The following SLC16A6 variants were observed in gnomAD, a reference collection of about 807,000 sequenced individuals.
The protein encoded by SLC16A6 is monocarboxylate transporter 7.
A neutral mutation model predicts 33.8 loss-of-function variants in SLC16A6; 15 were observed. The observed-to-expected ratio is 0.44, with a 90% CI of 0.30 to 0.68. The LOEUF (loss-of-function observed/expected upper bound fraction) is 0.68, where lower values mean the gene tolerates loss of function less well. Among genes scored for constraint, SLC16A6 ranks in the 30% least tolerant of loss-of-function variants. The probability of loss-of-function intolerance (pLI) is 0.10; values close to 1 mark genes in which losing one functional copy is unlikely to be tolerated. For missense variants in SLC16A6, 451 were observed against 661.5 expected (o/e 0.68, Z 3.49); for synonymous variants, 219 against 248.4 (o/e 0.88, Z 1.11).
In SLC16A6 at chr17:68,271,020, A is replaced by T; in HGVS notation, c.1140T>A (p.Thr380=). The T allele has an allele frequency of 6.2e-7, 1 of 1,614,218 alleles. No homozygotes were observed. The highest frequency in any genetic ancestry group is 1.1e-5 in the South Asian group (1 of 91,090). ...TVSLFAFTFA[T]EFWGLMSCSI... ...TGCATGACATTAGACCCCAGAATTC[A>T]GTAGCAAAAGTAAAGGCAAACAGAG... The change falls in exon 5 of 6, where the codon ACT becomes ACA. Residue 380 remains threonine, a synonymous_variant. Transcript: ENST00000580666. The surrounding 1 kb of genome is among the most constrained non-coding windows in gnomAD (Gnocchi z 5.3).
rs1555750023 is a variant in SLC16A6 at position 68,273,977 on chromosome 17, G to C, written c.326C>G (p.Ser109Cys). 1 of 1,614,164 alleles carries C rather than the reference G, an allele frequency of 6.2e-7. No individual in the cohort carries two copies. Among genetic ancestry groups the C allele is most frequent in the South Asian group, 1.1e-5 (1 of 91,086 alleles). The change falls in exon 3 of 6, where the codon TCC becomes TGC. Residue 109 changes from serine (S) to cysteine (C), a missense_variant. Physicochemically the swap from Ser to Cys is moderately radical, Grantham distance 112 (BLOSUM62 -1). Transcript: ENST00000580666. The stretch of plus-strand genomic sequence containing the variant: ...CATATGAGAAACCTCTTGTGAGAAG[G>C]AGGCGGCCACCATCCCGGTGCTGAC... ...LLVSTGMVAA[S>C]FSQEVSHMYV...
At position 68,269,673 on chromosome 17, in the gene SLC16A6, G is replaced by GTTTTTTT. The variant is rs782421181; in HGVS notation, c.1322-334_1322-328dup. On this transcript the variant is annotated intron_variant, in intron 5 of 5. Coordinates refer to ENST00000580666, the MANE Select transcript of SLC16A6 (RefSeq NM_004694.5). ...TTATTTTCACTTGAGTTCACTTTAG[G>GTTTTTTT]TTTTTTTTTTTTTTTTTTAGACAGA... is the stretch of plus-strand genomic sequence containing the variant. Among the ~76,000 whole-genome samples the GTTTTTTT allele has an allele frequency of 2.8e-4, 22 of 77,898 alleles. 3 individuals carry two copies. Among genetic ancestry groups the GTTTTTTT allele is most frequent in the South Asian group, 4.9e-4 (1 of 2,042 alleles). The allele number at this position is 77,898 out of a possible 152,430, so 51.1% of individuals were successfully genotyped here.
intron 1 of SLC16A6, among the ~76,000 whole-genome samples, chr17:68,283,389 C>A (rs1470022079): frequency 1.3e-5 from 2 of 152,010 alleles, no homozygotes; most frequent in African/African-American, 4.8e-5. Context: ...GGCGTGGTGG[C>A]GGGCGCCTGT....
Position 68,272,636 on chromosome 17 carries a change from T to G in SLC16A6, c.505+3A>C, listed in dbSNP as rs1555749342. On this transcript the variant is annotated splice_donor_region_variant and intron_variant, in intron 4 of 5. Transcript: ENST00000580666. The stretch of plus-strand genomic sequence containing the variant: ...CATACTTAGGCTGTTGTAGTCCACC[T>G]ACCTGGTGCGAAAGCAAACACAGCG... 1.2e-6 allele frequency: 2 copies of G among 1,613,780 alleles called. No individual in the cohort carries two copies. Among genetic ancestry groups the G allele is most frequent in the African/African-American group, 2.7e-5 (2 of 74,934 alleles).
At position 68,271,661 on chromosome 17, in the gene SLC16A6, T is replaced by C. The variant is rs782478993; in HGVS notation, c.506-7A>G. On this transcript the variant is annotated splice_region_variant and splice_polypyrimidine_tract_variant and intron_variant, in intron 4 of 5. Coordinates refer to ENST00000580666, the MANE Select transcript of SLC16A6 (RefSeq NM_004694.5). This position sits in a 1 kb window ranked among gnomAD's most constrained non-coding sequence, Gnocchi z 5.3. ...TCCTTCAGAGCCATGATTGCTTGAA[T>C]AGGCAGGAGTGAAGAAGAAATAATA... 3 of 1,606,150 alleles carry C rather than the reference T, an allele frequency of 1.9e-6. No homozygotes were observed. Among genetic ancestry groups the C allele is most frequent in the South Asian group, 2.2e-5 (2 of 90,852 alleles).
intron 1 of SLC16A6, among the ~76,000 whole-genome samples, chr17:68,280,846 C>T (rs2075671547): frequency 6.6e-6 from 1 of 152,078 alleles, no homozygotes; most frequent in African/African-American, 2.4e-5. Context: ...CAGAGTGAGG[C>T]CAGATGTAGT....
At chr17:68,270,344 A>G (rs1427760410) in intron 5 of SLC16A6, among the ~76,000 whole-genome samples, 1 of 152,130 alleles carries the variant, frequency 6.6e-6, no homozygotes, top group Non-Finnish European at 1.5e-5. Flanking sequence ...TCACGAGGTC[A>G]AGAGATTGAG....
At position 68,271,644 on chromosome 17, in the gene SLC16A6, A is replaced by G. The variant is rs1307056501; in HGVS notation, c.516T>C (p.Ala172=). Reference sequence around the variant, plus strand: ...ATCTCCAGCCAATGCGCTCCTTCAGAGCCATGATTGCTTGAATAGGCAGGA... The same window carrying G: ...ATCTCCAGCCAATGCGCTCCTTCAGGGCCATGATTGCTTGAATAGGCAGGA... ...AVFAFAPAIM[A]LKERIGWRYS... The change falls in exon 5 of 6, where the codon GCT becomes GCC. Residue 172 remains alanine (A), a synonymous_variant. Coordinates refer to ENST00000580666, the MANE Select transcript of SLC16A6 (RefSeq NM_004694.5). This position sits in a 1 kb window ranked among gnomAD's most constrained non-coding sequence, Gnocchi z 5.3. 6.2e-7 allele frequency: 1 copy of G among 1,611,274 alleles called. No homozygotes were observed. The highest frequency in any genetic ancestry group is 2.2e-5 in the East Asian group (1 of 44,794).
intron 1 of SLC16A6, chr17:68,285,599 G>A (rs551130268): frequency 6.6e-6 from 1 of 152,270 alleles, no homozygotes; most frequent in Non-Finnish European, 1.5e-5. Flanking sequence ...GAACCCAGGA[G>A]GCAGAGGTTG....
At chr17:68,285,704 G>A (rs2075825465) in intron 1 of SLC16A6, 1 of 152,106 alleles carries the variant, frequency 6.6e-6, no homozygotes, top group Non-Finnish European at 1.5e-5. Flanking sequence ...CTGGGCTCAA[G>A]TGACCCTACT....
At chr17:68,290,550 G>T (rs2075950635) in intron 1 of SLC16A6, among the ~76,000 whole-genome samples, 1 of 152,238 alleles carries the variant, frequency 6.6e-6, no homozygotes, top group South Asian at 2.1e-4. Context: ...TCCCGCTGGG[G>T]ACAAACGGTG....
chr17:68,290,647 G>A (rs1555755466), intron 1 of SLC16A6, among the ~76,000 whole-genome samples: 1 of 152,248 alleles, frequency 6.6e-6, no homozygotes. Flanking sequence ...CGGCCTGCGT[G>A]CGCGCGCCAG....
chr17:68,291,159 A>T (rs1487289236), upstream of SLC16A6: 1 of 152,094 alleles, frequency 6.6e-6, no homozygotes, highest in African/African-American at 2.4e-5. Flanking sequence ...CCTCCTTATA[A>T]GCCGCTCGGT....
At chr17:68,270,747 G>T in intron 5 of SLC16A6, 92 bp downstream of exon 5, 1 of 1,082,022 alleles carries the variant, frequency 9.2e-7, no homozygotes, top group Non-Finnish European at 1.3e-6. Context: ...AATATAAAAC[G>T]GCAGTAAGTT....
Position 68,271,153 on chromosome 17 carries a change from A to G in SLC16A6, c.1007T>C (p.Met336Thr), listed in dbSNP as rs1455496159. The change falls in exon 5 of 6, where the codon ATG becomes ACG. Residue 336 changes from methionine to threonine, a missense_variant. Met to Thr is a moderately conservative substitution (Grantham distance 81). Around this residue, in one of 2 missense-constraint regions of SLC16A6, gnomAD observed 405 missense variants for 510.7 expected, o/e 0.79. Coordinates refer to ENST00000580666, the MANE Select transcript of SLC16A6 (RefSeq NM_004694.5). The surrounding 1 kb of genome is among the most constrained non-coding windows in gnomAD (Gnocchi z 5.3). ...QDRAAFLLST[M>T]AIAEVFGRIG... ...CCTTCCGAAAACTTCTGCAATGGCC[A>G]TCGTAGATAATAAAAAAGCAGCGCG... The G allele has an allele frequency of 2.2e-5, 36 of 1,614,192 alleles. No homozygotes were observed. Among genetic ancestry groups the G allele is most frequent in the Non-Finnish European group, 3.0e-5 (35 of 1,180,052 alleles).
At position 68,289,073 on chromosome 17, in the gene SLC16A6, C is replaced by T. The variant is rs113187552; in HGVS notation, c.-8+2013G>A. 1.0e-3 allele frequency among the ~76,000 whole-genome samples: 158 copies of T among 152,174 alleles called. 1 individual carries two copies. Among genetic ancestry groups the T allele is most frequent in the Middle Eastern group, 3.4e-3 (1 of 294 alleles). ...TAAATAAATGAGTATTGGCCGGGTG[C>T]GGTAGCTCATGCCTATAATCCCAGC... On this transcript the variant is annotated intron_variant, in intron 1 of 5. Transcript: ENST00000580666.
rs190184093 is a variant in SLC16A6 at position 68,281,393 on chromosome 17, C to T, written c.-7-3066G>A. Among the ~76,000 whole-genome samples, 3 of 152,076 alleles carry T rather than the reference C, an allele frequency of 2.0e-5. No homozygotes were observed. In the East Asian group the frequency reaches 5.8e-4, roughly 29 times the overall value. The stretch of plus-strand genomic sequence containing the variant: ...ACCATCCTGGCCAACATAGTGAAAT[C>T]CCGTCTCTACTAAAAATACAAAAAT... On this transcript the variant is annotated intron_variant, in intron 1 of 5. Transcript: ENST00000580666.
chr17:68,278,108 C>T lies in SLC16A6; in HGVS notation c.213G>A (p.Val71=). ...ACTAACCTGAAAATGTTAAGACAAA[C>T]ACACAGATTGAGATTATCCATGAGA... ...SRISWIISIC[V]FVLTFSAPLA... is the part of the protein sequence containing the mutation. The change falls in exon 2 of 6, where the codon GTG becomes GTA. Residue 71 remains valine (V), a synonymous_variant. Transcript: ENST00000580666. The T allele has an allele frequency of 6.2e-7, 1 of 1,613,666 alleles. No homozygotes were observed. The highest frequency in any genetic ancestry group is 8.5e-7 in the Non-Finnish European group (1 of 1,179,608).
At chr17:68,279,300 C>A (rs918492460) in intron 1 of SLC16A6, among the ~76,000 whole-genome samples, 30 of 151,958 alleles carry the variant, frequency 2.0e-4, no homozygotes, top group African/African-American at 6.0e-4. Context: ...TGTCCCTGGC[C>A]ACCGCGATCA....
Sources: gnomAD v4.1 joint callset for allele counts (sites outside exome capture counted in the v4.1 genomes callset) on GRCh38, gnomAD v4.1.1 for gene constraint, gnomAD v4.1.1 regional missense constraint, Gnocchi (gnomAD v3.1) non-coding constraint, MANE v1.5 for transcripts, NCBI Gene and HGNC (gene_info 2026-07-23, HGNC 2026-07-21) for gene names.